CTNNA3: variants seen among roughly 807,000 people sequenced by gnomAD.
CTNNA3 encodes the protein catenin alpha 3, also known as catenin alpha-3.
In CTNNA3, 76 loss-of-function variants were observed where a neutral mutation model predicts 95.7. That is an observed-to-expected ratio of 0.79 (90% CI 0.66 to 0.96). CTNNA3 has a LOEUF of 0.96. Ranked by LOEUF, CTNNA3 falls within the 40% of genes least tolerant of loss-of-function variation. The pLI is 0.00. For synonymous variants in CTNNA3, 431 were observed against 374.4 expected (o/e 1.15, Z -1.74); for missense variants, 1,191 against 1,089.8 (o/e 1.09, Z -1.31).
intron 13 of CTNNA3, among the ~76,000 whole-genome samples, chr10:66,239,523 A>G (rs1448486126): frequency 6.6e-6 from 1 of 151,916 alleles, no homozygotes; most frequent in African/African-American, 2.4e-5. Flanking sequence ...GGCACTCTCA[A>G]CAACAACAAC....
chr10:67,668,414 C>T (rs1379539799), intron 1 of CTNNA3, among the ~76,000 whole-genome samples: 1 of 151,972 alleles, frequency 6.6e-6, no homozygotes, highest in Non-Finnish European at 1.5e-5. Flanking sequence ...AGTTCTGAAC[C>T]CTATATATGT....
intron 5 of CTNNA3, among the ~76,000 whole-genome samples, chr10:67,339,539 A>G (rs993197032): frequency 6.6e-6 from 1 of 152,220 alleles, no homozygotes; most frequent in Non-Finnish European, 1.5e-5. Context: ...CAACTCCGGT[A>G]TTCCATAAAA....
intron 17 of CTNNA3, among the ~76,000 whole-genome samples, chr10:65,938,719 G>T (rs1029889824): frequency 6.6e-6 from 1 of 152,016 alleles, no homozygotes; most frequent in Admixed American, 6.5e-5. Context: ...AGGCATCTTT[G>T]GCAGGTGGCA....
Position 66,381,414 on chromosome 10 carries a change from T to C in CTNNA3, c.1532-2062A>G, listed in dbSNP as rs1457221321. On this transcript the variant is annotated intron_variant, in intron 11 of 17. Transcript: ENST00000433211. ...GCCTCAATTAGAGATTCTACCTGTG[T>C]TTTAATTATTTACTTTTAAAAATAT... Among the ~76,000 whole-genome samples, 6 of 152,326 alleles carry C rather than the reference T, an allele frequency of 3.9e-5. No homozygotes were observed. The East Asian group carries it at 1.2e-3, about 29-fold the overall frequency.
At chr10:67,611,517 C>T (rs993448550) in intron 2 of CTNNA3, among the ~76,000 whole-genome samples, 2 of 152,072 alleles carry the variant, frequency 1.3e-5, no homozygotes, top group African/African-American at 4.8e-5. Context: ...AGGGTTTCAC[C>T]ATGTTAGCCA....
At chr10:66,733,634 A>C (rs1849036654) in intron 9 of CTNNA3, among the ~76,000 whole-genome samples, 1 of 151,790 alleles carries the variant, frequency 6.6e-6, no homozygotes, top group Non-Finnish European at 1.5e-5. Context: ...TGCTTACTTA[A>C]CCTCACTCAG....
chr10:66,244,490 A>G (rs2090229708), intron 13 of CTNNA3, among the ~76,000 whole-genome samples: 2 of 152,164 alleles, frequency 1.3e-5, no homozygotes, highest in Admixed American at 6.5e-5. Flanking sequence ...AGTTCCAGTG[A>G]TGTGGCCACA....
chr10:66,875,152 C>T (rs532032927), intron 7 of CTNNA3, among the ~76,000 whole-genome samples: 23 of 152,088 alleles, frequency 1.5e-4, no homozygotes, highest in Middle Eastern at 3.4e-3. Context: ...GCAGAAGAAA[C>T]AAATTACACA....
intron 10 of CTNNA3, among the ~76,000 whole-genome samples, chr10:66,543,935 A>G (rs1200518729): frequency 3.5e-5 from 5 of 142,316 alleles, no homozygotes; most frequent in African/African-American, 1.3e-4. Flanking sequence ...ATATATATAT[A>G]TATATATATA....
chr10:67,068,475 A>G (rs1420203189), intron 7 of CTNNA3, among the ~76,000 whole-genome samples: 3 of 152,216 alleles, frequency 2.0e-5, no homozygotes, highest in Non-Finnish European at 4.4e-5. Context: ...AGAGACACAG[A>G]TTTGAAACTT....
At chr10:67,215,286 A>G (rs538865422) in intron 6 of CTNNA3, among the ~76,000 whole-genome samples, 1 of 151,938 alleles carries the variant, frequency 6.6e-6, no homozygotes, top group South Asian at 2.1e-4. Context: ...TCATTAGGGA[A>G]TAATGTATAT....
intron 5 of CTNNA3, among the ~76,000 whole-genome samples, chr10:67,381,796 G>C (rs1843956459): frequency 1.3e-5 from 2 of 152,162 alleles, no homozygotes; most frequent in African/African-American, 4.8e-5. Flanking sequence ...CGCTCACTCA[G>C]AAATAGCACC....
chr10:67,448,192 G>A (rs1433575351), intron 5 of CTNNA3, among the ~76,000 whole-genome samples: 1 of 152,140 alleles, frequency 6.6e-6, no homozygotes, highest in East Asian at 1.9e-4. Flanking sequence ...TAATGAGGGA[G>A]GAGAGCAGGG....
chr10:67,558,647 G>T (rs1841347869), intron 3 of CTNNA3, among the ~76,000 whole-genome samples: 2 of 152,318 alleles, frequency 1.3e-5, no homozygotes, highest in South Asian at 4.1e-4. Context: ...CAGGACAGTG[G>T]GTGCAGTGCA....
intron 15 of CTNNA3, among the ~76,000 whole-genome samples, chr10:66,012,413 C>A (rs2079021906): frequency 6.6e-6 from 1 of 152,080 alleles, no homozygotes; most frequent in East Asian, 1.9e-4. Flanking sequence ...AAAAAGACAA[C>A]TGTTACATTT....
chr10:66,658,991 T>G (rs1846162808), intron 9 of CTNNA3, among the ~76,000 whole-genome samples: 1 of 152,196 alleles, frequency 6.6e-6, no homozygotes, highest in Middle Eastern at 3.4e-3. Context: ...ACCCAGCAGT[T>G]TTTTTCTTCT....
intron 13 of CTNNA3, among the ~76,000 whole-genome samples, chr10:66,155,831 C>T (rs542055566): frequency 1.3e-5 from 2 of 151,896 alleles, no homozygotes; most frequent in South Asian, 4.2e-4. Flanking sequence ...AAGCCAAGAA[C>T]TTCTGTTTTT....
At chr10:67,262,285 A>C (rs894809631) in intron 5 of CTNNA3, among the ~76,000 whole-genome samples, 30 of 152,324 alleles carry the variant, frequency 2.0e-4, no homozygotes, top group African/African-American at 6.7e-4. Flanking sequence ...CTATATCATA[A>C]AAATAATTTT....
intron 13 of CTNNA3, among the ~76,000 whole-genome samples, chr10:66,130,883 A>T (rs1384312300): frequency 6.6e-6 from 1 of 151,618 alleles, no homozygotes; most frequent in Non-Finnish European, 1.5e-5. Flanking sequence ...AAAAAAAAGA[A>T]AGAAATACAG....
Sources: gnomAD v4.1 joint callset for allele counts (sites outside exome capture counted in the v4.1 genomes callset) on GRCh38, gnomAD v4.1.1 for gene constraint, MANE v1.5 for transcripts, NCBI Gene and HGNC (gene_info 2026-07-23, HGNC 2026-07-21) for gene names.